HDAC9: variants seen among roughly 807,000 people sequenced by gnomAD.
HDAC9 encodes the protein MEF-2 interacting transcription repressor (MITR) protein.
HDAC9 carries 41 observed loss-of-function variants against 139.4 expected under a neutral mutation model. That is an observed-to-expected ratio of 0.29 (90% CI 0.23 to 0.38). HDAC9 has a LOEUF of 0.38. Ranked by LOEUF, HDAC9 falls within the 10% of genes least tolerant of loss-of-function variation. HDAC9 has a pLI of 1.00. For missense variants in HDAC9, 1,147 were observed against 1,297.0 expected, an observed-to-expected ratio of 0.88 and a Z score of 1.78; for synonymous variants, 517 against 476.2, an observed-to-expected ratio of 1.09 and a Z score of -1.12.
intron 14 of HDAC9, among the ~76,000 whole-genome samples, chr7:18,759,728 T>C (rs1789209019): frequency 6.6e-6 from 1 of 152,158 alleles, no homozygotes; most frequent in African/African-American, 2.4e-5. Context: ...TATGACTTAC[T>C]AGCACTTCAG....
At chr7:18,680,759 C>A (rs113221825) in intron 12 of HDAC9, among the ~76,000 whole-genome samples, 1 of 151,976 alleles carries the variant, frequency 6.6e-6, no homozygotes, top group Non-Finnish European at 1.5e-5. Flanking sequence ...TGCCAGCCTT[C>A]GGGCATGTCA....
At chr7:18,291,965 A>G (rs1021231685) in intron 1 of HDAC9, among the ~76,000 whole-genome samples, 1 of 152,088 alleles carries the variant, frequency 6.6e-6, no homozygotes, top group African/African-American at 2.4e-5. Context: ...GCTGCCTCAT[A>G]TCTGAGCTCT....
chr7:18,455,188 A>G (rs1223174931), intron 1 of HDAC9, among the ~76,000 whole-genome samples: 1 of 152,160 alleles, frequency 6.6e-6, no homozygotes, highest in Admixed American at 6.5e-5. Flanking sequence ...AAGAAACTTA[A>G]TATTCTGTAG....
At chr7:18,984,553 G>T (rs1785175397) in intron 25 of HDAC9, among the ~76,000 whole-genome samples, 1 of 152,028 alleles carries the variant, frequency 6.6e-6, no homozygotes, top group Non-Finnish European at 1.5e-5. Flanking sequence ...AAACCCTTAT[G>T]GTAATTGTGG....
chr7:18,795,257 T>TAAAAAAA (rs5882676), intron 17 of HDAC9, among the ~76,000 whole-genome samples: 47 of 65,490 alleles, frequency 7.2e-4, no homozygotes, highest in East Asian at 3.7e-3. Context: ...AAGAAAACAG[T>TAAAAAAA]AAAAAAAAAA....
intron 6 of HDAC9, among the ~76,000 whole-genome samples, chr7:18,605,065 T>G (rs1835076049): frequency 6.6e-6 from 1 of 152,182 alleles, no homozygotes; most frequent in Admixed American, 6.5e-5. Flanking sequence ...TGGGCTTTGT[T>G]TAATATCTGT....
At chr7:18,737,331 C>A (rs185595788) in intron 13 of HDAC9, among the ~76,000 whole-genome samples, 1 of 151,978 alleles carries the variant, frequency 6.6e-6, no homozygotes, top group Non-Finnish European at 1.5e-5. Flanking sequence ...ATATTAGGGT[C>A]TTGATTTTAG....
intron 22 of HDAC9, among the ~76,000 whole-genome samples, chr7:18,919,758 TCTGA>T (rs970231394): frequency 5.7e-4 from 87 of 151,980 alleles, no homozygotes; most frequent in African/African-American, 1.9e-3. Context: ...CAAATCAAAA[TCTGA>T]CTGTCTTTTA....
At chr7:18,091,080 T>C (rs1023418310) in intron 1 of HDAC9, among the ~76,000 whole-genome samples, 2 of 152,234 alleles carry the variant, frequency 1.3e-5, no homozygotes, top group African/African-American at 2.4e-5. Context: ...TGTAATCTTA[T>C]GCAAGTATTT....
intron 2 of HDAC9, among the ~76,000 whole-genome samples, chr7:18,533,651 T>G (rs752704154): frequency 6.6e-6 from 1 of 152,170 alleles, no homozygotes; most frequent in Non-Finnish European, 1.5e-5. Flanking sequence ...TCTTACCTTA[T>G]TCATTTTCTC....
chr7:18,864,630 G>GA (rs950369461), intron 21 of HDAC9, among the ~76,000 whole-genome samples: 2 of 150,506 alleles, frequency 1.3e-5, no homozygotes, highest in East Asian at 3.9e-4. Context: ...AAAAAGGAAA[G>GA]AAAAAAAACT....
chr7:18,801,427 C>G (rs1793276517), intron 17 of HDAC9, among the ~76,000 whole-genome samples: 1 of 151,870 alleles, frequency 6.6e-6, no homozygotes, highest in African/African-American at 2.4e-5. Flanking sequence ...TTTTTGTATT[C>G]TTGAGATACA....
At chr7:18,969,649 A>G (rs897413208) in intron 24 of HDAC9, among the ~76,000 whole-genome samples, 10 of 152,336 alleles carry the variant, frequency 6.6e-5, no homozygotes, top group African/African-American at 2.4e-4. Context: ...AATTAAAAAG[A>G]TAAAAACCAT....
intron 22 of HDAC9, among the ~76,000 whole-genome samples, chr7:18,901,207 C>CATATAT (rs3085465): frequency 7.2e-6 from 1 of 138,862 alleles, no homozygotes; most frequent in Non-Finnish European, 1.5e-5. Context: ...ACTATATATA[C>CATATAT]ATATATATAT....
intron 25 of HDAC9, among the ~76,000 whole-genome samples, chr7:18,990,768 C>A (rs1299613229): frequency 6.6e-6 from 1 of 152,224 alleles, no homozygotes; most frequent in Admixed American, 6.5e-5. Context: ...TTTTTTAAGC[C>A]CGTAGGAAAA....
intron 25 of HDAC9, 52 bp from the exon 26 acceptor site, chr7:18,995,971 A>G (rs1404875618): frequency 2.9e-5 from 40 of 1,396,280 alleles, no homozygotes; most frequent in African/African-American, 5.7e-5. Context: ...AAAATCTACA[A>G]TGTCATTGTG....
chr7:18,623,331 A>G (rs1371077407), intron 6 of HDAC9, among the ~76,000 whole-genome samples: 1 of 152,222 alleles, frequency 6.6e-6, no homozygotes, highest in Non-Finnish European at 1.5e-5. Context: ...CACTGAGTCA[A>G]AGTTCAGAAA....
intron 2 of HDAC9, among the ~76,000 whole-genome samples, chr7:18,180,271 A>C (rs1445975237): frequency 1.4e-5 from 2 of 145,688 alleles, no homozygotes; most frequent in African/African-American, 2.5e-5. Context: ...ACACACACAC[A>C]CACCACATTC....
At chr7:18,963,034 A>G (rs957490326) in intron 24 of HDAC9, among the ~76,000 whole-genome samples, 2 of 148,976 alleles carry the variant, frequency 1.3e-5, no homozygotes, top group Admixed American at 1.3e-4. Context: ...GTTCTACCAG[A>G]TTGCCTCTTC....
Sources: gnomAD v4.1 joint callset for allele counts (sites outside exome capture counted in the v4.1 genomes callset) on GRCh38, gnomAD v4.1.1 for gene constraint, MANE v1.5 for transcripts, NCBI Gene and HGNC (gene_info 2026-07-23, HGNC 2026-07-21) for gene names.